SRGAP1: variants seen among roughly 807,000 people sequenced by gnomAD.
SRGAP1 encodes SLIT-ROBO Rho GTPase activating protein 1, also known as SLIT-ROBO Rho GTPase-activating protein 1.
A neutral mutation model predicts 121.9 loss-of-function variants in SRGAP1; 43 were observed. That is an observed-to-expected ratio of 0.35 (90% CI 0.28 to 0.46). The LOEUF (loss-of-function observed/expected upper bound fraction) is 0.46, where lower values mean the gene tolerates loss of function less well. Ranked by LOEUF, SRGAP1 falls within the 20% of genes least tolerant of loss-of-function variation. SRGAP1 has a pLI of 1.00. For synonymous variants in SRGAP1, 447 were observed against 485.4 expected (o/e 0.92, Z 1.04); for missense variants, 1,102 against 1,350.9 (o/e 0.82, Z 2.89).
intron 1 of SRGAP1, among the ~76,000 whole-genome samples, chr12:63,932,079 C>T (rs1031782721): frequency 1.3e-5 from 2 of 152,078 alleles, no homozygotes; most frequent in African/African-American, 4.8e-5. Flanking sequence ...AAAATTTCTC[C>T]AGCCTGGCCA....
intron 4 of SRGAP1, among the ~76,000 whole-genome samples, chr12:64,024,489 G>T (rs2034612473): frequency 6.6e-6 from 1 of 152,132 alleles, no homozygotes; most frequent in Non-Finnish European, 1.5e-5. Context: ...TGTTCATTTT[G>T]GGTGCAGCCT....
chr12:63,895,897 AAT>A (rs1477094964), intron 1 of SRGAP1, among the ~76,000 whole-genome samples: 35 of 152,238 alleles, frequency 2.3e-4, no homozygotes, highest in Non-Finnish European at 2.9e-5. Context: ...TGCACCCTGC[AAT>A]CAGCTGTGCC....
chr12:64,097,180 A>G, intron 14 of SRGAP1, 61 bp from the exon 15 acceptor site: 1 of 1,507,378 alleles, frequency 6.6e-7, no homozygotes, highest in Non-Finnish European at 8.9e-7. Context: ...TCATAGAAAT[A>G]TATTTTTGTT....
intron 1 of SRGAP1, among the ~76,000 whole-genome samples, chr12:63,937,534 G>A (rs776290680): frequency 1.3e-5 from 2 of 152,114 alleles, no homozygotes; most frequent in Non-Finnish European, 2.9e-5. Flanking sequence ...TGACATCTGG[G>A]CCCCATATGG....
At chr12:63,870,533 A>ATTTTTT (rs1216674448) in intron 1 of SRGAP1, among the ~76,000 whole-genome samples, 21 of 100,804 alleles carry the variant, frequency 2.1e-4, no homozygotes, top group Non-Finnish European at 2.8e-4. Context: ...CCCTATCTTG[A>ATTTTTT]TTTTTTTTTT....
chr12:63,935,118 C>T (rs948625196), intron 1 of SRGAP1, among the ~76,000 whole-genome samples: 2 of 152,174 alleles, frequency 1.3e-5, no homozygotes, highest in Admixed American at 1.3e-4. Context: ...CCACACCACT[C>T]AACTCCCAGT....
At chr12:63,962,574 A>T (rs183121881) in intron 1 of SRGAP1, among the ~76,000 whole-genome samples, 68 of 152,160 alleles carry the variant, frequency 4.5e-4, no homozygotes, top group African/African-American at 1.5e-3. Flanking sequence ...TGCCAGGCTA[A>T]TGTTTGTATT....
intron 1 of SRGAP1, among the ~76,000 whole-genome samples, chr12:63,891,983 C>CAAAAAAAAAAAAAAAAAAAAA (rs10716009): frequency 2.1e-5 from 2 of 96,344 alleles, no homozygotes; most frequent in Non-Finnish European, 4.3e-5. Context: ...AAGACTGTCT[C>CAAAAAAAAAAAAAAAAAAAAA]AAAAAAAAAA....
At chr12:64,137,845 G>A (rs1274972913) in intron 21 of SRGAP1, among the ~76,000 whole-genome samples, 1 of 151,794 alleles carries the variant, frequency 6.6e-6, no homozygotes, top group Non-Finnish European at 1.5e-5. Context: ...CTCCAGATGA[G>A]TGGGAGAAGC....
chr12:64,059,441 G>A (rs539482814), intron 6 of SRGAP1, among the ~76,000 whole-genome samples: 6 of 151,986 alleles, frequency 3.9e-5, no homozygotes, highest in African/African-American at 1.4e-4. Flanking sequence ...GTGGGAGGTG[G>A]AGGCTTTTCT....
intron 15 of SRGAP1, among the ~76,000 whole-genome samples, chr12:64,107,071 G>T (rs900075365): frequency 2.0e-5 from 3 of 152,186 alleles, no homozygotes; most frequent in African/African-American, 7.2e-5. Flanking sequence ...ATACTTAAAG[G>T]TGGGAATGGA....
chr12:64,000,279 A>AGTGTGTGTGT (rs1161739912), intron 3 of SRGAP1, among the ~76,000 whole-genome samples: 3 of 107,082 alleles, frequency 2.8e-5, no homozygotes, highest in African/African-American at 7.6e-5. Context: ...TGTGTGTAAA[A>AGTGTGTGTGT]AAAAAAAACC....
At chr12:64,081,886 T>G (rs1052634732) in intron 10 of SRGAP1, 1 of 151,700 alleles carries the variant, frequency 6.6e-6, no homozygotes, top group African/African-American at 2.4e-5. Context: ...ACTGCTCTTT[T>G]AACTCTTCTG....
chr12:63,957,501 C>G (rs1241547709), intron 1 of SRGAP1, among the ~76,000 whole-genome samples: 1 of 152,188 alleles, frequency 6.6e-6, no homozygotes, highest in African/African-American at 2.4e-5. Flanking sequence ...AGGCATAGCG[C>G]AGCCTGGCCA....
chr12:64,078,812 C>T (rs761544950), intron 8 of SRGAP1, 107 bp from the exon 9 acceptor site: 46 of 1,104,312 alleles, frequency 4.2e-5, no homozygotes, highest in Middle Eastern at 2.0e-4. Context: ...GTGAATTTGG[C>T]GGGGGCAGGC....
At chr12:64,119,856 C>T (rs1294702195) in intron 18 of SRGAP1, among the ~76,000 whole-genome samples, 2 of 150,178 alleles carry the variant, frequency 1.3e-5, no homozygotes, top group Admixed American at 6.7e-5. Context: ...CAGCAAACTC[C>T]GCCTCCCAGG....
chr12:63,909,042 A>C (rs957866431), intron 1 of SRGAP1, among the ~76,000 whole-genome samples: 1 of 151,854 alleles, frequency 6.6e-6, no homozygotes. Context: ...GGTGCATGCC[A>C]TCACACCCAG....
chr12:64,038,122 T>C (rs150757321), intron 4 of SRGAP1, among the ~76,000 whole-genome samples: 343 of 152,322 alleles, frequency 2.3e-3, no homozygotes, highest in African/African-American at 7.8e-3. Context: ...CTCAGTTTTT[T>C]CATCAACATA....
At chr12:64,032,250 G>A (rs974071388) in intron 4 of SRGAP1, among the ~76,000 whole-genome samples, 4 of 152,180 alleles carry the variant, frequency 2.6e-5, no homozygotes, top group African/African-American at 9.6e-5. Context: ...AGGAAGAGGA[G>A]GGACCAGCTC....
Sources: allele counts gnomAD v4.1 joint callset (sites outside exome capture counted in the v4.1 genomes callset), GRCh38; gene constraint gnomAD v4.1.1; transcripts MANE v1.5; gene names NCBI Gene and HGNC (gene_info 2026-07-23, HGNC 2026-07-21).